Variants in CDH18 observed in about 807,000 individuals in gnomAD.
CDH18 encodes cadherin-18.
Under a neutral mutation model 67.9 loss-of-function variants are expected in CDH18, and 31 were observed. The ratio of observed to expected loss-of-function variants is 0.46; its 90% confidence interval spans 0.34 to 0.62. The LOEUF is 0.62. Ranked by LOEUF, CDH18 falls within the 20% of genes least tolerant of loss-of-function variation. CDH18 has a pLI of 0.01. For missense variants in CDH18, 890 were observed against 975.5 expected, an observed-to-expected ratio of 0.91 and a Z score of 1.17; for synonymous variants, 362 against 347.2, an observed-to-expected ratio of 1.04 and a Z score of -0.48.
chr5:20,325,269 C>T (rs955229933), intron 1 of CDH18, among the ~76,000 whole-genome samples: 1 of 152,154 alleles, frequency 6.6e-6, no homozygotes, highest in African/African-American at 2.4e-5. Context: ...CAGAACTGAA[C>T]CCTTCCATCC....
At chr5:20,417,195 G>A (rs1747386027) in intron 1 of CDH18, among the ~76,000 whole-genome samples, 1 of 152,054 alleles carries the variant, frequency 6.6e-6, no homozygotes, top group African/African-American at 2.4e-5. Context: ...CTGATAGTTT[G>A]TAAGCCATGA....
At chr5:20,185,716 T>C (rs1047831191) in intron 2 of CDH18, among the ~76,000 whole-genome samples, 1 of 152,020 alleles carries the variant, frequency 6.6e-6, no homozygotes, top group Non-Finnish European at 1.5e-5. Context: ...TAACGTAAAA[T>C]AGAACAATGG....
intron 5 of CDH18, among the ~76,000 whole-genome samples, chr5:19,637,069 T>C (rs926010789): frequency 4.6e-5 from 7 of 152,180 alleles, no homozygotes; most frequent in African/African-American, 1.7e-4. Context: ...AAAATTAAAC[T>C]AGTGCTTTTG....
At chr5:19,668,803 G>A (rs1489809641) in intron 5 of CDH18, among the ~76,000 whole-genome samples, 2 of 152,158 alleles carry the variant, frequency 1.3e-5, no homozygotes, top group East Asian at 3.9e-4. Context: ...TCATACTAGT[G>A]CAAGCATGTA....
chr5:20,110,169 C>T (rs1747335641), intron 2 of CDH18, among the ~76,000 whole-genome samples: 1 of 152,186 alleles, frequency 6.6e-6, no homozygotes, highest in Non-Finnish European at 1.5e-5. Flanking sequence ...TTCTCTTCCA[C>T]GGATCCCACA....
At chr5:20,197,595 T>C (rs769343314) in intron 2 of CDH18, among the ~76,000 whole-genome samples, 5 of 152,184 alleles carry the variant, frequency 3.3e-5, no homozygotes, top group Admixed American at 2.0e-4. Context: ...GCAGTGATCA[T>C]GATTTTGTCC....
intron 8 of CDH18, among the ~76,000 whole-genome samples, chr5:19,547,771 A>G (rs1226948055): frequency 1.3e-5 from 2 of 152,198 alleles, no homozygotes; most frequent in African/African-American, 4.8e-5. Context: ...AGGGAAATCA[A>G]CATCCTAAGG....
At chr5:20,008,065 C>A (rs1440974352) in intron 2 of CDH18, among the ~76,000 whole-genome samples, 1 of 152,000 alleles carries the variant, frequency 6.6e-6, no homozygotes, top group Non-Finnish European at 1.5e-5. Context: ...CCTATCACAT[C>A]AATTCACTAG....
At chr5:20,031,400 G>A (rs1012830844) in intron 2 of CDH18, among the ~76,000 whole-genome samples, 2 of 152,052 alleles carry the variant, frequency 1.3e-5, no homozygotes, top group Non-Finnish European at 2.9e-5. Context: ...CGGTATGCTA[G>A]CTTGGCAAAT....
intron 1 of CDH18, among the ~76,000 whole-genome samples, chr5:20,465,669 G>A (rs548521528): frequency 2.0e-5 from 3 of 152,012 alleles, no homozygotes; most frequent in Non-Finnish European, 4.4e-5. Flanking sequence ...TGTGCTGACC[G>A]ACATATCAAA....
chr5:20,561,013 C>T (rs1345379054), intron 1 of CDH18, among the ~76,000 whole-genome samples: 1 of 151,972 alleles, frequency 6.6e-6, no homozygotes, highest in African/African-American at 2.4e-5. Flanking sequence ...AACAATGTTC[C>T]ATATCATATA....
At chr5:20,431,269 T>C (rs898849012) in intron 1 of CDH18, among the ~76,000 whole-genome samples, 1 of 151,958 alleles carries the variant, frequency 6.6e-6, no homozygotes, top group Non-Finnish European at 1.5e-5. Context: ...GATGTGCAGA[T>C]CACTTGAGGT....
At chr5:19,563,274 A>G (rs1229019359) in intron 8 of CDH18, among the ~76,000 whole-genome samples, 1 of 152,236 alleles carries the variant, frequency 6.6e-6, no homozygotes, top group Non-Finnish European at 1.5e-5. Context: ...TTAAAATGTC[A>G]TGTTATCACT....
chr5:20,137,218 C>T (rs966510307), intron 2 of CDH18, among the ~76,000 whole-genome samples: 2 of 152,130 alleles, frequency 1.3e-5, no homozygotes, highest in African/African-American at 2.4e-5. Flanking sequence ...TTCAGGTACA[C>T]CAGTCCGATG....
intron 1 of CDH18, among the ~76,000 whole-genome samples, chr5:20,292,410 G>C (rs929905037): frequency 6.6e-6 from 1 of 152,194 alleles, no homozygotes; most frequent in Non-Finnish European, 1.5e-5. Flanking sequence ...TGATAGCTGA[G>C]TGTCCAGAAT....
chr5:20,242,607 A>T (rs1307912595), intron 2 of CDH18, among the ~76,000 whole-genome samples: 53,638 of 84,784 alleles, frequency 0.63, 17,825 homozygotes, highest in African/African-American at 0.81. Context: ...AAAAAAAAAA[A>T]AAAAATATAT....
At chr5:20,197,648 T>C (rs1334157104) in intron 2 of CDH18, among the ~76,000 whole-genome samples, 2 of 152,176 alleles carry the variant, frequency 1.3e-5, no homozygotes, top group Non-Finnish European at 2.9e-5. Flanking sequence ...TGCAGAGTCC[T>C]GAAATTTTGG....
intron 2 of CDH18, among the ~76,000 whole-genome samples, chr5:20,065,163 CTTA>C (rs746572293): frequency 1.3e-5 from 2 of 151,446 alleles, no homozygotes; most frequent in Non-Finnish European, 2.9e-5. Context: ...TTTTTTTCTA[CTTA>C]TTATAAGTTA....
intron 2 of CDH18, among the ~76,000 whole-genome samples, chr5:19,964,929 T>A (rs116600596): frequency 6.6e-6 from 1 of 152,124 alleles, no homozygotes; most frequent in Non-Finnish European, 1.5e-5. Flanking sequence ...TTAAATAGCA[T>A]GATATTGAAA....
Sources: gnomAD v4.1 joint callset for allele counts (sites outside exome capture counted in the v4.1 genomes callset) on GRCh38, gnomAD v4.1.1 for gene constraint, MANE v1.5 for transcripts, NCBI Gene and HGNC (gene_info 2026-07-23, HGNC 2026-07-21) for gene names.